AGPAT4: variants seen among roughly 807,000 people sequenced by gnomAD.
AGPAT4 encodes the protein 1-acyl-sn-glycerol-3-phosphate acyltransferase delta.
A neutral mutation model predicts 48.0 loss-of-function variants in AGPAT4; 15 were observed. The observed-to-expected ratio is 0.31, with a 90% confidence interval of 0.21 to 0.48. AGPAT4 has a LOEUF of 0.48. AGPAT4 is among the 20% of genes least tolerant of loss of function. The probability of loss-of-function intolerance (pLI) is 0.99; values close to 1 mark genes in which losing one functional copy is unlikely to be tolerated. For synonymous variants in AGPAT4, 178 were observed against 198.7 expected (o/e 0.90, Z 0.88); for missense variants, 314 against 482.5 (o/e 0.65, Z 3.27).
At chr6:161,199,571 T>C (rs545801797) in intron 2 of AGPAT4, among the ~76,000 whole-genome samples, 2 of 152,286 alleles carry the variant, frequency 1.3e-5, no homozygotes, top group South Asian at 4.1e-4. Context: ...ACGGTTTGGC[T>C]CCGTGTCCCC....
In AGPAT4 at chr6:161,180,813, G is replaced by A. The variant is rs571147203; in HGVS notation, c.179-14396C>T. Among the ~76,000 whole-genome samples, 11 of 152,244 alleles carry A rather than the reference G, an allele frequency of 7.2e-5. No homozygotes were observed. Among genetic ancestry groups the A allele is most frequent in the African/African-American group, 2.4e-4 (10 of 41,548 alleles). ...CAACACCCTCACCTGGAGGTCAGTC[G>A]TCAAGTTACAGGGTGCCCACCAGAC... is the stretch of plus-strand genomic sequence containing the variant. On this transcript the variant is annotated intron_variant, in intron 2 of 8. Coordinates refer to ENST00000320285, the MANE Select transcript of AGPAT4 (RefSeq NM_020133.3). The surrounding 1 kb of genome is among the most constrained non-coding windows in gnomAD (Gnocchi z 6.4).
rs1275078867 is a variant in AGPAT4, at chr6:161,143,115, C to T, written c.843+3409G>A. On this transcript the variant is annotated intron_variant, in intron 7 of 8. Transcript: ENST00000320285. This position sits in a 1 kb window ranked among gnomAD's most constrained non-coding sequence, Gnocchi z 4.7. ...AGAGACAGGGTCTTGCTCTGCTGCC[C>T]AGGCTGGAGTGCAGTGGTGCAATCA... 1.3e-5 allele frequency among the ~76,000 whole-genome samples: 2 copies of T among 152,204 alleles called. No individual in the cohort carries two copies. Among genetic ancestry groups the T allele is most frequent in the Non-Finnish European group, 1.5e-5 (1 of 68,036 alleles).
chr6:161,272,188 A>T lies in AGPAT4; in HGVS notation c.-90+1750T>A, dbSNP rs934346568. Among the ~76,000 whole-genome samples the T allele has an allele frequency of 6.6e-6, 1 of 152,150 alleles. No homozygotes were observed. The highest frequency in any genetic ancestry group is 2.4e-5 in the African/African-American group (1 of 41,440). On this transcript the variant is annotated intron_variant, in intron 1 of 8. Transcript: ENST00000320285. This position sits in a 1 kb window ranked among gnomAD's most constrained non-coding sequence, Gnocchi z 4.2. ...GATTTGATAAGACATAGATGATAGC[A>T]TATTTAGATAAGGATCACAGCAAAC...
chr6:161,230,189 C>T (rs1782087381), intron 2 of AGPAT4, among the ~76,000 whole-genome samples: 1 of 151,830 alleles, frequency 6.6e-6, no homozygotes, highest in Admixed American at 6.6e-5. Flanking sequence ...TCTTTACCAT[C>T]AATCAAAAAA....
Position 161,243,618 on chromosome 6 carries a change from A to G in AGPAT4, c.-89-11316T>C, listed in dbSNP as rs1407191762. 2.0e-5 allele frequency among the ~76,000 whole-genome samples: 3 copies of G among 152,142 alleles called. No individual in the cohort carries two copies. The highest frequency in any genetic ancestry group is 4.4e-5 in the Non-Finnish European group (3 of 68,026). On this transcript the variant is annotated intron_variant, in intron 1 of 8. Transcript: ENST00000320285. The surrounding 1 kb of genome is among the most constrained non-coding windows in gnomAD (Gnocchi z 4.8). The stretch of plus-strand genomic sequence containing the variant: ...CCCTGCCTCCCACCGTGCTGTAACA[A>G]TTACACACAGGAAGGCAGAGAAACA...
intron 2 of AGPAT4, among the ~76,000 whole-genome samples, chr6:161,172,857 T>C (rs1780311811): frequency 6.6e-6 from 1 of 151,356 alleles, no homozygotes; most frequent in Non-Finnish European, 1.5e-5. Context: ...AGTGTTCTCA[T>C]TGTTCAATTC....
rs1266831634 is a variant in AGPAT4 at position 161,254,126 on chromosome 6, CA to C, written c.-90+19811del. 2.6e-5 allele frequency among the ~76,000 whole-genome samples: 4 copies of C among 152,132 alleles called. No homozygotes were observed. Among genetic ancestry groups the C allele is most frequent in the African/African-American group, 9.7e-5 (4 of 41,406 alleles). On this transcript the variant is annotated intron_variant, in intron 1 of 8. Transcript: ENST00000320285. This position sits in a 1 kb window ranked among gnomAD's most constrained non-coding sequence, Gnocchi z 5.9. ...TCTCTGTATTTTCTAATTATTCTAT[CA>C]AAAGTATTAACCACTTGGTCAATAT...
chr6:161,144,372 T>C lies in AGPAT4; in HGVS notation c.843+2152A>G. The C allele has an allele frequency of 2.7e-6, 1 of 370,210 alleles. No homozygotes were observed. The highest frequency in any genetic ancestry group is 5.4e-6 in the Non-Finnish European group (1 of 184,468). The allele number at this position is 370,210 out of a possible 1,614,324, so 22.9% of individuals were successfully genotyped here. On this transcript the variant is annotated intron_variant, in intron 7 of 8. Transcript: ENST00000320285. This position sits in a 1 kb window ranked among gnomAD's most constrained non-coding sequence, Gnocchi z 6.6. ...TTTCGGACCTGAATTTCCTCATCAG[T>C]AGTGTAAGAGCTTTGGAGTAGATGA... is the stretch of plus-strand genomic sequence containing the variant.
chr6:161,237,253 T>C (rs1047433682), intron 1 of AGPAT4, among the ~76,000 whole-genome samples: 1 of 152,202 alleles, frequency 6.6e-6, no homozygotes, highest in Non-Finnish European at 1.5e-5. Context: ...GGTAGATTAG[T>C]AGATATTGAA....
intron 3 of AGPAT4, chr6:161,160,104 A>ATTTTTTTTTTTTTTTTTT (rs5881394): frequency 4.1e-5 from 3 of 74,008 alleles, no homozygotes; most frequent in African/African-American, 5.3e-5. Context: ...CACCCAGCTA[A>ATTTTTTTTTTTTTTTTTT]TTTTTTTTTT....
At position 161,197,216 on chromosome 6, in the gene AGPAT4, G is replaced by C. The variant is rs1307735893; in HGVS notation, c.179-30799C>G. ...TTCCCTTTGGCCTTCTCCGAACGTT[G>C]AATGTGCTAATGGACAGTGAGCGCT... On this transcript the variant is annotated intron_variant, in intron 2 of 8. Coordinates refer to ENST00000320285, the MANE Select transcript of AGPAT4 (RefSeq NM_020133.3). The surrounding 1 kb of genome is among the most constrained non-coding windows in gnomAD (Gnocchi z 5.7). 6.6e-6 allele frequency among the ~76,000 whole-genome samples: 1 copy of C among 152,138 alleles called. No individual in the cohort carries two copies. Among genetic ancestry groups the C allele is most frequent in the Non-Finnish European group, 1.5e-5 (1 of 68,016 alleles).
chr6:161,203,586 G>A (rs536191496), intron 2 of AGPAT4, among the ~76,000 whole-genome samples: 14 of 151,628 alleles, frequency 9.2e-5, no homozygotes, highest in African/African-American at 2.9e-4. Flanking sequence ...TAGTAGAGAC[G>A]GGGGTTTCAC....
chr6:161,173,123 T>C (rs550808797), intron 2 of AGPAT4, among the ~76,000 whole-genome samples: 1 of 152,362 alleles, frequency 6.6e-6, no homozygotes, highest in Non-Finnish European at 1.5e-5. Flanking sequence ...TGTGTCTTTA[T>C]AGCAGCATGA....
chr6:161,248,327 C>T (rs982126924), intron 1 of AGPAT4, among the ~76,000 whole-genome samples: 1 of 152,086 alleles, frequency 6.6e-6, no homozygotes, highest in Admixed American at 6.6e-5. Flanking sequence ...GTAATCCCAG[C>T]ACTTTGGGAG....
In AGPAT4 at chr6:161,257,775, C is replaced by G. The variant is rs138223108; in HGVS notation, c.-90+16163G>C. Among the ~76,000 whole-genome samples the G allele has an allele frequency of 5.0e-3, 768 of 152,286 alleles. 5 individuals carry two copies. Among genetic ancestry groups the G allele is most frequent in the African/African-American group, 0.018 (730 of 41,556 alleles). ...AAAAGGAAAGACAGCGTTAGTCCCA[C>G]CTTCTATTTCATATGGAAGTGAATA... On this transcript the variant is annotated intron_variant, in intron 1 of 8. Coordinates refer to ENST00000320285, the MANE Select transcript of AGPAT4 (RefSeq NM_020133.3).
rs569711133 is a variant in AGPAT4, at chr6:161,195,790, C to T, written c.179-29373G>A. On this transcript the variant is annotated intron_variant, in intron 2 of 8. Transcript: ENST00000320285. The surrounding 1 kb of genome is among the most constrained non-coding windows in gnomAD (Gnocchi z 5.0). ...GGAGGCATGCCACACCCTCGGGGCTCGTCACACAGGCATGGCTCTACACTG... is the reference window on the plus strand; with the variant it reads ...GGAGGCATGCCACACCCTCGGGGCTTGTCACACAGGCATGGCTCTACACTG... Among the ~76,000 whole-genome samples the T allele has an allele frequency of 2.1e-4, 32 of 152,254 alleles. No homozygotes were observed. Among genetic ancestry groups the T allele is most frequent in the Non-Finnish European group, 3.4e-4 (23 of 68,026 alleles).
chr6:161,272,705 AACACAC>A lies in AGPAT4; in HGVS notation c.-90+1227_-90+1232del, dbSNP rs3043142. Among the ~76,000 whole-genome samples, 22 of 147,176 alleles carry A rather than the reference AACACAC, an allele frequency of 1.5e-4. No homozygotes were observed. The highest frequency in any genetic ancestry group is 4.5e-4 in the African/African-American group (18 of 39,916). On this transcript the variant is annotated intron_variant, in intron 1 of 8. Coordinates refer to ENST00000320285, the MANE Select transcript of AGPAT4 (RefSeq NM_020133.3). The surrounding 1 kb of genome is among the most constrained non-coding windows in gnomAD (Gnocchi z 4.2). ...TCCCTGCCCGCCTCCCATTTCCCTA[AACACAC>A]ACACACACACACACACACACAAACA... is the stretch of plus-strand genomic sequence containing the variant.
Position 161,189,631 on chromosome 6 carries a change from C to T in AGPAT4, c.179-23214G>A, listed in dbSNP as rs930050075. Among the ~76,000 whole-genome samples the T allele has an allele frequency of 2.0e-5, 3 of 152,130 alleles. No individual in the cohort carries two copies. The highest frequency in any genetic ancestry group is 6.5e-5 in the Admixed American group (1 of 15,282). Reference sequence around the variant, plus strand: ...GACTTCTGTCTGTGCTGTACACTTGCACACGGCAGATCCAGGCCAGCTGCA... The same window carrying T: ...GACTTCTGTCTGTGCTGTACACTTGTACACGGCAGATCCAGGCCAGCTGCA... On this transcript the variant is annotated intron_variant, in intron 2 of 8. Transcript: ENST00000320285. This position sits in a 1 kb window ranked among gnomAD's most constrained non-coding sequence, Gnocchi z 5.3.
At chr6:161,175,881 C>T (rs1780414414) in intron 2 of AGPAT4, among the ~76,000 whole-genome samples, 1 of 152,174 alleles carries the variant, frequency 6.6e-6, no homozygotes, top group Admixed American at 6.6e-5. Flanking sequence ...TTCCCACCTT[C>T]ATTTTGTTAT....
Sources: allele counts gnomAD v4.1 joint callset (sites outside exome capture counted in the v4.1 genomes callset), GRCh38; gene constraint gnomAD v4.1.1; non-coding constraint Gnocchi (gnomAD v3.1); transcripts MANE v1.5; gene names NCBI Gene and HGNC (gene_info 2026-07-23, HGNC 2026-07-21).